TENM2: variants seen among roughly 807,000 people sequenced by gnomAD.
TENM2 encodes the protein teneurin transmembrane protein 2.
TENM2 carries 52 observed loss-of-function variants against 245.2 expected under a neutral mutation model. The ratio of observed to expected loss-of-function variants is 0.21; its 90% CI spans 0.17 to 0.27. The LOEUF (loss-of-function observed/expected upper bound fraction) is 0.27. Ranked by LOEUF, TENM2 falls within the 10% of genes least tolerant of loss-of-function variation. TENM2 has a pLI of 1.00. For synonymous variants in TENM2, 1,363 were observed against 1,438.9 expected, an observed-to-expected ratio of 0.95 and a Z score of 1.19; for missense variants, 3,046 against 3,666.8, an observed-to-expected ratio of 0.83 and a Z score of 4.37.
intron 2 of TENM2, among the ~76,000 whole-genome samples, chr5:167,801,668 A>G (rs528008809): frequency 3.3e-5 from 5 of 152,224 alleles, no homozygotes; most frequent in African/African-American, 4.8e-5. Flanking sequence ...AGAACCAAAC[A>G]TTGGCAGGGG....
chr5:167,063,564 A>G, the TENM2 span, among the ~76,000 whole-genome samples: 3 of 152,124 alleles, frequency 2.0e-5, no homozygotes, highest in South Asian at 6.2e-4. Context: ...TTCTCTGTCA[A>G]TGGCTTCCTC....
intron 1 of TENM2, among the ~76,000 whole-genome samples, chr5:167,315,573 CAG>C (rs1166242464): frequency 6.6e-6 from 1 of 151,978 alleles, no homozygotes; most frequent in African/African-American, 2.4e-5. Context: ...TAGAGTAAAA[CAG>C]AAAGTGTTTA....
intron 2 of TENM2, among the ~76,000 whole-genome samples, chr5:167,723,005 A>G (rs1759740207): frequency 6.6e-6 from 1 of 152,182 alleles, no homozygotes; most frequent in African/African-American, 2.4e-5. Flanking sequence ...AGATTTCTAT[A>G]TCCCTCAAGG....
chr5:167,183,208 G>A, the TENM2 span, among the ~76,000 whole-genome samples: 4 of 152,126 alleles, frequency 2.6e-5, no homozygotes, highest in African/African-American at 4.8e-5. Flanking sequence ...GGTCAACCAT[G>A]AAAATGATGC....
the TENM2 span, among the ~76,000 whole-genome samples, chr5:167,055,357 A>G: frequency 6.6e-6 from 1 of 152,066 alleles, no homozygotes; most frequent in Admixed American, 6.6e-5. Context: ...CTGTATGTAC[A>G]TGAGTCTCTG....
At chr5:168,113,246 G>A (rs1038705084) in intron 9 of TENM2, among the ~76,000 whole-genome samples, 2 of 152,122 alleles carry the variant, frequency 1.3e-5, no homozygotes, top group East Asian at 1.9e-4. Context: ...CTTGAGTCAG[G>A]GAGGTAGAGT....
At chr5:167,036,360 G>A in the TENM2 span, among the ~76,000 whole-genome samples, 1 of 152,156 alleles carries the variant, frequency 6.6e-6, no homozygotes, top group Admixed American at 6.5e-5. Context: ...CGCTATTTCA[G>A]GCTATATTTC....
chr5:167,442,014 A>G (rs982582385), intron 2 of TENM2, among the ~76,000 whole-genome samples: 1 of 152,230 alleles, frequency 6.6e-6, no homozygotes, highest in African/African-American at 2.4e-5. Context: ...GCCAAAGAAA[A>G]GAAGAGAAAT....
intron 2 of TENM2, among the ~76,000 whole-genome samples, chr5:167,445,430 G>A (rs1765152524): frequency 6.6e-6 from 1 of 150,512 alleles, no homozygotes; most frequent in African/African-American, 2.5e-5. Flanking sequence ...CTCTTGTCCT[G>A]CCCTTGATGT....
At chr5:168,040,713 T>C (rs1788112704) in intron 5 of TENM2, among the ~76,000 whole-genome samples, 1 of 152,172 alleles carries the variant, frequency 6.6e-6, no homozygotes, top group Non-Finnish European at 1.5e-5. Flanking sequence ...AGGCTGAAGG[T>C]AATTTTGGCA....
chr5:167,524,045 T>G (rs1274149788), intron 2 of TENM2, among the ~76,000 whole-genome samples: 1 of 152,162 alleles, frequency 6.6e-6, no homozygotes, highest in East Asian at 1.9e-4. Context: ...AGTTAGCCTA[T>G]GATTCTTTTA....
the TENM2 span, among the ~76,000 whole-genome samples, chr5:167,021,870 C>T: frequency 6.6e-6 from 1 of 152,138 alleles, no homozygotes; most frequent in Non-Finnish European, 1.5e-5. Context: ...AGTACTCCAT[C>T]TAGAAAATGA....
intron 2 of TENM2, among the ~76,000 whole-genome samples, chr5:167,804,322 G>A (rs947224883): frequency 3.9e-5 from 6 of 151,986 alleles, no homozygotes; most frequent in Non-Finnish European, 8.8e-5. Flanking sequence ...CTTTCTTGCC[G>A]TAAGCCCTGT....
chr5:168,146,773 T>C (rs1010599118), intron 12 of TENM2, among the ~76,000 whole-genome samples: 2 of 152,200 alleles, frequency 1.3e-5, no homozygotes, highest in African/African-American at 4.8e-5. Flanking sequence ...AAGCAATGTG[T>C]GAAAGGCTTA....
At chr5:167,301,839 G>C (rs988516684) in intron 1 of TENM2, among the ~76,000 whole-genome samples, 31 of 152,124 alleles carry the variant, frequency 2.0e-4, no homozygotes, top group Admixed American at 7.2e-4. Flanking sequence ...CTGGGCAGGT[G>C]GGGGAGGGCT....
chr5:167,097,909 T>C, the TENM2 span, among the ~76,000 whole-genome samples: 1 of 152,234 alleles, frequency 6.6e-6, no homozygotes, highest in African/African-American at 2.4e-5. Context: ...GACTCCTTTT[T>C]TGCTTTGTCC....
chr5:167,305,084 C>T (rs1219086433), intron 1 of TENM2, among the ~76,000 whole-genome samples: 1 of 152,164 alleles, frequency 6.6e-6, no homozygotes, highest in Admixed American at 6.5e-5. Context: ...TCTTTTCCTC[C>T]TCTCCAAAAG....
chr5:167,733,010 T>G (rs562738902), intron 2 of TENM2, among the ~76,000 whole-genome samples: 2 of 152,314 alleles, frequency 1.3e-5, no homozygotes, highest in African/African-American at 4.8e-5. Flanking sequence ...AGATTTTTAT[T>G]TTCCTATCAG....
intron 2 of TENM2, among the ~76,000 whole-genome samples, chr5:167,467,817 T>C (rs888242166): frequency 6.6e-6 from 1 of 152,214 alleles, no homozygotes; most frequent in African/African-American, 2.4e-5. Flanking sequence ...TTTAGGTATG[T>C]ATATTATAGT....
Sources: gnomAD v4.1 joint callset for allele counts (sites outside exome capture counted in the v4.1 genomes callset) on GRCh38, gnomAD v4.1.1 for gene constraint, MANE v1.5 for transcripts, NCBI Gene and HGNC (gene_info 2026-07-23, HGNC 2026-07-21) for gene names.